Variants in SMG5 observed in about 807,000 individuals in gnomAD.
SMG5 encodes the protein nonsense-mediated mRNA decay factor SMG5.
In SMG5, 53 loss-of-function variants were observed where a neutral mutation model predicts 122.9. The observed-to-expected ratio is 0.43, with a 90% CI of 0.35 to 0.54. The LOEUF is 0.54. SMG5 is among the 20% of genes least tolerant of loss of function. SMG5 has a pLI of 0.01. For synonymous variants in SMG5, 477 were observed against 490.2 expected (o/e 0.97, Z 0.35); for missense variants, 1,153 against 1,285.6 (o/e 0.90, Z 1.58).
At chr1:156,280,049 A>C (rs1662860449) in intron 1 of SMG5, among the ~76,000 whole-genome samples, 1 of 152,228 alleles carries the variant, frequency 6.6e-6, no homozygotes, top group Non-Finnish European at 1.5e-5. Context: ...ACTGGTATAT[A>C]GTAATCACTC....
intron 4 of SMG5, 24 bp from the exon 5 acceptor site, chr1:156,274,710 T>C: frequency 1.3e-6 from 2 of 1,599,334 alleles, no homozygotes; most frequent in Non-Finnish European, 1.7e-6. Flanking sequence ...AGAAAGAGAT[T>C]TGTAGGCCCA....
chr1:156,276,259 T>C lies in SMG5; in HGVS notation c.454+826A>G, dbSNP rs1190420961. 2.0e-5 allele frequency among the ~76,000 whole-genome samples: 3 copies of C among 151,936 alleles called. No homozygotes were observed. The East Asian group carries it at 5.8e-4, about 29-fold the overall frequency. On this transcript the variant is annotated intron_variant, in intron 4 of 21. Coordinates refer to ENST00000361813, the MANE Select transcript of SMG5 (RefSeq NM_015327.3). ...CTCTTGCCTCAGCCTCCTGAGTAGC[T>C]GGGATTATAGGTGCACGCCACCATG...
At chr1:156,255,463 C>T (rs749219508) in intron 16 of SMG5, among the ~76,000 whole-genome samples, 10 of 152,054 alleles carry the variant, frequency 6.6e-5, no homozygotes, top group Admixed American at 1.3e-4. Context: ...CGCTTGAACC[C>T]GGGAGGCAGA....
upstream of SMG5, chr1:156,285,790 C>A (rs1484961737): frequency 6.2e-7 from 1 of 1,613,496 alleles, no homozygotes; most frequent in African/African-American, 1.3e-5. Flanking sequence ...CCTGTGGGGG[C>A]TGCGGGAGCT....
chr1:156,273,377 T>C lies in SMG5; in HGVS notation c.618A>G (p.Ser206=). ...LAERFYYQAL[S]VAPQIGMPFN... ...ACAACTTACCAATCTGAGGAGCTAC[T>C]GACAGGGCTTGGTAGTAAAATCTCT... The change falls in exon 6 of 22, where the codon TCA becomes TCG. Residue 206 remains serine, a synonymous_variant. Coordinates refer to ENST00000361813, the MANE Select transcript of SMG5 (RefSeq NM_015327.3). 1 of 1,613,760 alleles carries C rather than the reference T, an allele frequency of 6.2e-7. No homozygotes were observed. Among genetic ancestry groups the C allele is most frequent in the Non-Finnish European group, 8.5e-7 (1 of 1,179,976 alleles).
At position 156,274,753 on chromosome 1, in the gene SMG5, C is replaced by A. The variant is rs1662604168; in HGVS notation, c.455-67G>T. The A allele has an allele frequency of 4.6e-6, 6 of 1,304,706 alleles. No homozygotes were observed. In the South Asian group the frequency reaches 4.7e-5, roughly 10 times the overall value. The allele number at this position is 1,304,706 out of a possible 1,614,324, so 80.8% of individuals were successfully genotyped here. A position where few individuals can be genotyped will look rare whatever the true frequency, so the allele number is the denominator to read the frequency against. On this transcript the variant is annotated intron_variant, in intron 4 of 21. Coordinates refer to ENST00000361813, the MANE Select transcript of SMG5 (RefSeq NM_015327.3). ...GCCTTCCCGCACCTATGAAGAAATA[C>A]CCCTCCGAGATGTAGAGACTAAGAA...
intron 7 of SMG5, 85 bp downstream of exon 7, chr1:156,272,235 G>A (rs1204493587): frequency 2.5e-6 from 3 of 1,223,708 alleles, no homozygotes; most frequent in Non-Finnish European, 3.5e-6. Flanking sequence ...CACAGCTAGA[G>A]GAAGGAGGAA....
upstream of SMG5, chr1:156,286,045 G>A: frequency 9.1e-6 from 14 of 1,545,036 alleles, no homozygotes; most frequent in Non-Finnish European, 1.1e-5. Context: ...GGGCCTGGCT[G>A]GTGTGGGGAG....
chr1:156,271,751 C>A (rs1013673513), intron 7 of SMG5, among the ~76,000 whole-genome samples: 1 of 151,796 alleles, frequency 6.6e-6, no homozygotes, highest in East Asian at 1.9e-4. Flanking sequence ...CACCACCATA[C>A]CCAGCTGATT....
chr1:156,281,479 G>A (rs1662936736), intron 1 of SMG5, among the ~76,000 whole-genome samples: 1 of 152,202 alleles, frequency 6.6e-6, no homozygotes, highest in African/African-American at 2.4e-5. Flanking sequence ...CATAGTGGGA[G>A]CCCTGGGGCC....
upstream of SMG5, chr1:156,282,868 A>G (rs1663034781): frequency 1.6e-6 from 1 of 607,758 alleles, no homozygotes; most frequent in Admixed American, 3.2e-5. Flanking sequence ...GCAGCCGCAC[A>G]GTTGCGGACC....
At chr1:156,277,896 T>C (rs1167380402) in intron 3 of SMG5, 29 bp downstream of exon 3, 2 of 1,612,462 alleles carry the variant, frequency 1.2e-6, no homozygotes, top group Admixed American at 1.7e-5. Flanking sequence ...TCCTTGGCTT[T>C]CCCTCTTTAG....
intron 19 of SMG5, 37 bp from the exon 20 acceptor site, chr1:156,251,514 G>A (rs1035045540): frequency 5.0e-6 from 8 of 1,606,294 alleles, no homozygotes; most frequent in Non-Finnish European, 6.0e-6. Flanking sequence ...TCAGGAGCAG[G>A]AGACTGGCAG....
rs1274973399 is a variant in SMG5, at chr1:156,250,524, T to G, written c.*63A>C. The G allele has an allele frequency of 4.1e-6, 6 of 1,447,264 alleles. No homozygotes were observed. Among genetic ancestry groups the G allele is most frequent in the Admixed American group, 1.7e-5 (1 of 59,644 alleles). The allele number at this position is 1,447,264 out of a possible 1,614,324, so 89.7% of individuals were successfully genotyped here. On this transcript the variant is annotated 3_prime_UTR_variant, in exon 22 of 22. Coordinates refer to ENST00000361813, the MANE Select transcript of SMG5 (RefSeq NM_015327.3). ...GTGGGGTGACTACAGGTGCTGGTCC[T>G]GGCTGCCAGGGAGGGCAGGAGAGAT...
chr1:156,268,100 C>T lies in SMG5; in HGVS notation c.908+15G>A, dbSNP rs1406685086. On this transcript the variant is annotated intron_variant, in intron 9 of 21. Transcript: ENST00000361813. ...GCTCACAGGATAGTTCAGGTTCATG[C>T]TCTCTTCCACTCACCTGCTTTTGGG... 3 of 1,613,494 alleles carry T rather than the reference C, an allele frequency of 1.9e-6. No homozygotes were observed. The highest frequency in any genetic ancestry group is 1.7e-5 in the Admixed American group (1 of 59,932).
At position 156,253,331 on chromosome 1, in the gene SMG5, G is replaced by A. The variant is rs368023050; in HGVS notation, c.2502+118C>T. On this transcript the variant is annotated intron_variant, in intron 17 of 21. Coordinates refer to ENST00000361813, the MANE Select transcript of SMG5 (RefSeq NM_015327.3). ...GTAAGGAGGGTCATCTGGGAGAGGC[G>A]GAGGGACACAGAGGCAACAGAGCAG... 10 of 1,108,920 alleles carry A rather than the reference G, an allele frequency of 9.0e-6. No homozygotes were observed. In the East Asian group the frequency reaches 1.4e-4, roughly 16 times the overall value. 68.7% of individuals were successfully genotyped at this position (1,108,920 alleles called of 1,614,324 possible). A position where few individuals can be genotyped will look rare whatever the true frequency, so the allele number is the denominator to read the frequency against.
chr1:156,268,080 C>T (rs1662236875), intron 9 of SMG5, 35 bp downstream of exon 9: 1 of 1,606,534 alleles, frequency 6.2e-7, no homozygotes, highest in Admixed American at 1.7e-5. Context: ...CTGGGGCTCA[C>T]AGGATAGTTC....
chr1:156,280,888 T>C (rs921719609), intron 1 of SMG5, among the ~76,000 whole-genome samples: 8 of 152,232 alleles, frequency 5.3e-5, no homozygotes, highest in African/African-American at 1.9e-4. Flanking sequence ...AAAAATGTTT[T>C]TAAAAACAAA....
chr1:156,254,396 G>A (rs1273804791), intron 16 of SMG5, among the ~76,000 whole-genome samples: 1 of 152,062 alleles, frequency 6.6e-6, no homozygotes, highest in Non-Finnish European at 1.5e-5. Flanking sequence ...CTAAGGATGG[G>A]GACTTTATCC....
Sources: allele counts gnomAD v4.1 joint callset (sites outside exome capture counted in the v4.1 genomes callset), GRCh38; gene constraint gnomAD v4.1.1; transcripts MANE v1.5; gene names NCBI Gene and HGNC (gene_info 2026-07-23, HGNC 2026-07-21).